The following DYSF variants were observed in gnomAD, a reference collection of about 807,000 sequenced individuals.
DYSF encodes dysferlin.
A neutral mutation model predicts 274.9 loss-of-function variants in DYSF; 212 were observed. The observed-to-expected ratio is 0.77, with a 90% CI of 0.69 to 0.86. The LOEUF (loss-of-function observed/expected upper bound fraction) is 0.86, where lower values mean the gene tolerates loss of function less well. Ranked by LOEUF, DYSF falls within the 40% of genes least tolerant of loss-of-function variation. DYSF has a pLI of 0.00. For synonymous variants in DYSF, 1,091 were observed against 1,078.7 expected (o/e 1.01, Z -0.22); for missense variants, 2,666 against 2,783.2 (o/e 0.96, Z 0.95).
Position 71,661,116 on chromosome 2 carries a change from C to CA in DYSF, c.5003+486dup, listed in dbSNP as rs55761719. On this transcript the variant is annotated intron_variant, in intron 45 of 55. Transcript: ENST00000410020. ...TGGGTGACAGAGCAAAACCCTGTCT[C>CA]AAAAAAAAAAAAAAAAAAAAAGAAA... is the stretch of plus-strand genomic sequence containing the variant. Among the ~76,000 whole-genome samples, 841 of 85,802 alleles carry CA rather than the reference C, an allele frequency of 9.8e-3. 5 individuals carry two copies. The highest frequency in any genetic ancestry group is 0.014 in the South Asian group (35 of 2,496). The allele number at this position is 85,802 out of a possible 152,430, so 56.3% of individuals were successfully genotyped here.
intron 35 of DYSF, among the ~76,000 whole-genome samples, chr2:71,601,832 G>T (rs1036354594): frequency 4.6e-5 from 7 of 152,198 alleles, no homozygotes; most frequent in Non-Finnish European, 8.8e-5. Flanking sequence ...GGACAGCACT[G>T]CCCAGGGAAT....
chr2:71,682,850 G>C (rs2095312705), intron 55 of DYSF, among the ~76,000 whole-genome samples, 173 bp downstream of exon 55: 1 of 152,180 alleles, frequency 6.6e-6, no homozygotes, highest in Admixed American at 6.5e-5. Flanking sequence ...CAATCTGGTA[G>C]GTGTACAAAG....
chr2:71,649,673 G>A (rs72829458), intron 42 of DYSF, among the ~76,000 whole-genome samples: 307 of 151,988 alleles, frequency 2.0e-3, no homozygotes, highest in Non-Finnish European at 3.8e-3. Flanking sequence ...AAAGTGGACC[G>A]TGCAAAGATT....
In DYSF at chr2:71,591,419, G is replaced by C. The variant is rs9973733; in HGVS notation, c.3574+1131G>C. ...ATGAGCTCCCCCAGGAAATGGTCTC[G>C]TCTTACTTTGAACCTGCAGCACTTG... On this transcript the variant is annotated intron_variant, in intron 32 of 55. Transcript: ENST00000410020. Among the ~76,000 whole-genome samples, 430 of 152,316 alleles carry C rather than the reference G, an allele frequency of 2.8e-3. 1 individual carries two copies. The highest frequency in any genetic ancestry group is 9.2e-3 in the African/African-American group (383 of 41,560).
Position 71,543,528 on chromosome 2 carries a change from G to A in DYSF, c.1576+4289G>A, listed in dbSNP as rs555077565. Among the ~76,000 whole-genome samples the A allele has an allele frequency of 1.4e-3, 217 of 152,316 alleles. 1 individual carries two copies. Among genetic ancestry groups the A allele is most frequent in the Middle Eastern group, 3.4e-3 (1 of 294 alleles). ...GGCAGGCGGCTGGGAGGTGGAGGTTGATAGCGAGCCGAGATCAAGCCACTG... is the reference window on the plus strand; with the variant it reads ...GGCAGGCGGCTGGGAGGTGGAGGTTAATAGCGAGCCGAGATCAAGCCACTG... On this transcript the variant is annotated intron_variant, in intron 17 of 55. Coordinates refer to ENST00000410020, the MANE Select transcript of DYSF (RefSeq NM_001130987.2).
intron 43 of DYSF, among the ~76,000 whole-genome samples, chr2:71,658,196 C>G (rs1284887093): frequency 1.3e-5 from 2 of 152,216 alleles, no homozygotes; most frequent in African/African-American, 2.4e-5. Flanking sequence ...TGCCACCAGT[C>G]TCTTTGCTAA....
intron 3 of DYSF, among the ~76,000 whole-genome samples, chr2:71,482,589 G>A (rs1402881629): frequency 6.6e-6 from 1 of 152,112 alleles, no homozygotes; most frequent in African/African-American, 2.4e-5. Context: ...CTCCCCCTAG[G>A]CAGGCGATGA....
intron 19 of DYSF, 136 bp from the exon 20 acceptor site, chr2:71,552,874 AC>A: frequency 1.2e-6 from 1 of 831,408 alleles, no homozygotes; most frequent in Non-Finnish European, 2.0e-6. Flanking sequence ...TTCTTGGGCT[AC>A]TTGCCACCCG....
At chr2:71,627,851 CTAA>C (rs1259135151) in intron 41 of DYSF, among the ~76,000 whole-genome samples, 1 of 152,062 alleles carries the variant, frequency 6.6e-6, no homozygotes, top group Non-Finnish European at 1.5e-5. Context: ...AAAATCTCTG[CTAA>C]TGAGTTTTTC....
intron 4 of DYSF, among the ~76,000 whole-genome samples, chr2:71,510,232 AGTCCCAGGACAGTT>A (rs2152726701): frequency 6.6e-6 from 1 of 152,352 alleles, no homozygotes; most frequent in East Asian, 1.9e-4. Context: ...AGTGGAAGAA[AGTCCCAGGACAGTT>A]GTTAAAAGTG....
intron 15 of DYSF, 55 bp from the exon 16 acceptor site, chr2:71,535,213 G>A (rs370051609): frequency 1.9e-6 from 3 of 1,601,960 alleles, no homozygotes; most frequent in South Asian, 1.1e-5. Flanking sequence ...GTAGGGAGGG[G>A]CTGTTCTATC....
intron 30 of DYSF, among the ~76,000 whole-genome samples, chr2:71,584,363 C>G (rs2092994938): frequency 6.6e-6 from 1 of 152,178 alleles, no homozygotes; most frequent in Admixed American, 6.5e-5. Flanking sequence ...TCTCCCAGTT[C>G]CAGCACCCTC....
At chr2:71,622,788 G>T (rs541852093) in intron 41 of DYSF, among the ~76,000 whole-genome samples, 1 of 152,178 alleles carries the variant, frequency 6.6e-6, no homozygotes, top group Admixed American at 6.5e-5. Context: ...GTTAATTTTT[G>T]TATTTTTGTA....
chr2:71,660,592 G>T lies in DYSF; in HGVS notation c.4944G>T (p.Lys1648Asn), dbSNP rs761760759. 9 of 1,614,188 alleles carry T rather than the reference G, an allele frequency of 5.6e-6. No homozygotes were observed. In the East Asian group the frequency reaches 2.0e-4, roughly 36 times the overall value. The change falls in exon 45 of 56, where the codon AAG becomes AAT. Residue 1648 changes from lysine to asparagine, a missense_variant. By Grantham distance (94) the Lys-to-Asn change is moderately conservative. This residue lies in a region of DYSF where 1,460 missense variants were observed against 1,502.1 expected (regional missense o/e 0.97). Coordinates refer to ENST00000410020, the MANE Select transcript of DYSF (RefSeq NM_001130987.2). ...CDPYIKISIG[K>N]KSVSDQDNYI... The stretch of plus-strand genomic sequence containing the variant: ...CTTACATCAAGATCTCCATAGGGAA[G>T]AAATCAGTGAGTGACCAGGATAACT...
At chr2:71,472,319 C>T (rs2082090045) in intron 1 of DYSF, among the ~76,000 whole-genome samples, 1 of 152,214 alleles carries the variant, frequency 6.6e-6, no homozygotes. Flanking sequence ...TCTGTATCAA[C>T]TTTATCCTCC....
chr2:71,585,343 C>T (rs796610954), intron 30 of DYSF, among the ~76,000 whole-genome samples: 27 of 152,332 alleles, frequency 1.8e-4, no homozygotes, highest in African/African-American at 6.5e-4. Context: ...GATGGCCTCT[C>T]TGGGCAGGTG....
chr2:71,535,181 G>T, intron 15 of DYSF, 87 bp from the exon 16 acceptor site: 1 of 1,594,996 alleles, frequency 6.3e-7, no homozygotes, highest in Non-Finnish European at 8.6e-7. Context: ...CATCCTGCCA[G>T]TATCCCAGAC....
intron 12 of DYSF, among the ~76,000 whole-genome samples, chr2:71,525,162 G>A (rs2087720431): frequency 6.6e-6 from 1 of 151,956 alleles, no homozygotes; most frequent in Non-Finnish European, 1.5e-5. Context: ...CAGAAATTCT[G>A]TTTTAATTGG....
Position 71,553,909 on chromosome 2 carries a change from T to G in DYSF, c.2087T>G (p.Leu696Arg). 5 of 1,614,194 alleles carry G rather than the reference T, an allele frequency of 3.1e-6. No homozygotes were observed. Among genetic ancestry groups the G allele is most frequent in the Non-Finnish European group, 4.2e-6 (5 of 1,180,028 alleles). Residue 696 changes from leucine (L) to arginine (R), a missense_variant, in exon 21 of 56, where the codon CTG (leucine) becomes CGG (arginine). Leu to Arg is a moderately radical substitution (Grantham distance 102). Transcript: ENST00000410020. Reference protein sequence around the residue: ...ISHRIETQNQLLGIADRLEAG... With the variant: ...ISHRIETQNQRLGIADRLEAG... ...CATAGAATCGAGACTCAGAACCAGC[T>G]GCTTGGGATTGCTGACCGGCTGGTG...
Sources: gnomAD v4.1 joint callset for allele counts (sites outside exome capture counted in the v4.1 genomes callset) on GRCh38, gnomAD v4.1.1 for gene constraint, gnomAD v4.1.1 regional missense constraint, MANE v1.5 for transcripts, NCBI Gene and HGNC (gene_info 2026-07-23, HGNC 2026-07-21) for gene names.